ADK: variants seen among roughly 807,000 people sequenced by gnomAD.
ADK encodes adenosine kinase, also known as N6,N6-dimethyladenosine kinase.
ADK carries 24 observed loss-of-function variants against 44.7 expected under a neutral mutation model. The observed-to-expected ratio is 0.54, with a 90% CI of 0.39 to 0.76. The LOEUF is 0.76. ADK is among the 30% of genes least tolerant of loss of function. ADK has a pLI of 0.00. For missense variants in ADK, 321 were observed against 425.1 expected (o/e 0.76, Z 2.15); for synonymous variants, 128 against 142.6 (o/e 0.90, Z 0.73).
chr10:74,631,238 G>T (rs1463777604), intron 9 of ADK, among the ~76,000 whole-genome samples: 1 of 150,784 alleles, frequency 6.6e-6, no homozygotes, highest in Admixed American at 6.6e-5. Flanking sequence ...GTGTGCGTGT[G>T]TGTGTGTGTG....
intron 10 of ADK, among the ~76,000 whole-genome samples, chr10:74,701,062 T>A (rs996797635): frequency 1.3e-5 from 2 of 152,260 alleles, no homozygotes; most frequent in African/African-American, 2.4e-5. Flanking sequence ...TTTGGATTTT[T>A]TTCTTTTAAA....
At chr10:74,380,628 T>G (rs967001149) in intron 4 of ADK, among the ~76,000 whole-genome samples, 4 of 151,940 alleles carry the variant, frequency 2.6e-5, no homozygotes, top group Admixed American at 2.6e-4. Flanking sequence ...TGTGGTGGCA[T>G]GCACCTGTAG....
chr10:74,155,569 G>A (rs557004363), intron 1 of ADK, among the ~76,000 whole-genome samples: 18 of 152,016 alleles, frequency 1.2e-4, no homozygotes, highest in African/African-American at 3.9e-4. Context: ...TCGCTCTGTC[G>A]CCCAGGCTGG....
chr10:74,301,120 G>A (rs1840016987), intron 3 of ADK, among the ~76,000 whole-genome samples: 2 of 152,144 alleles, frequency 1.3e-5, no homozygotes, highest in African/African-American at 2.4e-5. Context: ...ATCAGTATTT[G>A]GGAGTATCTA....
chr10:74,219,476 C>T (rs1473234623), intron 2 of ADK, among the ~76,000 whole-genome samples: 1 of 152,146 alleles, frequency 6.6e-6, no homozygotes, highest in Non-Finnish European at 1.5e-5. Flanking sequence ...AGAAAGTCAA[C>T]AAGGATACCC....
At chr10:74,586,785 C>T (rs758251393) in intron 7 of ADK, among the ~76,000 whole-genome samples, 3 of 150,556 alleles carry the variant, frequency 2.0e-5, no homozygotes, top group Non-Finnish European at 3.0e-5. Context: ...ACCCAGGAGG[C>T]GGAGGTTGCA....
At chr10:74,352,822 A>G (rs956174577) in intron 4 of ADK, among the ~76,000 whole-genome samples, 6 of 152,244 alleles carry the variant, frequency 3.9e-5, no homozygotes, top group Admixed American at 2.6e-4. Context: ...ATTGCTCATC[A>G]TCATTGGTCA....
chr10:74,484,409 C>G (rs1379094683), intron 6 of ADK, among the ~76,000 whole-genome samples: 1 of 152,204 alleles, frequency 6.6e-6, no homozygotes, highest in Non-Finnish European at 1.5e-5. Flanking sequence ...CGGATGGGAA[C>G]ACAAATCTAA....
intron 6 of ADK, among the ~76,000 whole-genome samples, chr10:74,486,553 T>C (rs1054548681): frequency 2.0e-5 from 3 of 152,180 alleles, no homozygotes; most frequent in Non-Finnish European, 4.4e-5. Context: ...TTTAAAACTT[T>C]ATAATGAATA....
intron 4 of ADK, among the ~76,000 whole-genome samples, chr10:74,378,156 G>C (rs1021699638): frequency 3.3e-5 from 5 of 151,748 alleles, no homozygotes; most frequent in African/African-American, 1.2e-4. Context: ...ACATATTTGG[G>C]CTGGGAGCAG....
At chr10:74,459,063 G>C (rs1846062849) in intron 6 of ADK, among the ~76,000 whole-genome samples, 1 of 151,970 alleles carries the variant, frequency 6.6e-6, no homozygotes, top group Non-Finnish European at 1.5e-5. Context: ...TGGATCACCT[G>C]ATGTCAGGAG....
chr10:74,321,008 A>G (rs1840789071), intron 4 of ADK, among the ~76,000 whole-genome samples: 1 of 152,126 alleles, frequency 6.6e-6, no homozygotes, highest in Non-Finnish European at 1.5e-5. Context: ...GATTCATAGT[A>G]TTATGTGACT....
intron 3 of ADK, among the ~76,000 whole-genome samples, chr10:74,234,744 T>C (rs1844897338): frequency 6.6e-6 from 1 of 152,168 alleles, no homozygotes; most frequent in Non-Finnish European, 1.5e-5. Flanking sequence ...ATTATAACTT[T>C]ATTCTTTGTG....
intron 6 of ADK, among the ~76,000 whole-genome samples, chr10:74,497,019 C>G (rs1847713470): frequency 6.6e-6 from 1 of 151,948 alleles, no homozygotes; most frequent in Non-Finnish European, 1.5e-5. Context: ...TACAGTGTTG[C>G]CCAGGTTGGA....
At chr10:74,363,075 T>C (rs1057316819) in intron 4 of ADK, among the ~76,000 whole-genome samples, 2 of 152,300 alleles carry the variant, frequency 1.3e-5, no homozygotes, top group Non-Finnish European at 2.9e-5. Flanking sequence ...TTGGCTCAGA[T>C]TAGCATGCAT....
chr10:74,502,429 C>A (rs1226174204), intron 6 of ADK, among the ~76,000 whole-genome samples: 1 of 152,052 alleles, frequency 6.6e-6, no homozygotes, highest in East Asian at 1.9e-4. Flanking sequence ...TTATTCCCTG[C>A]AGCACTTTCA....
At chr10:74,639,704 C>T (rs184956828) in intron 9 of ADK, among the ~76,000 whole-genome samples, 267 of 152,178 alleles carry the variant, frequency 1.8e-3, no homozygotes, top group African/African-American at 6.0e-3. Context: ...GGCGTGGTGG[C>T]ATGTACCTGT....
At chr10:74,616,211 C>G (rs1852755392) in intron 9 of ADK, among the ~76,000 whole-genome samples, 1 of 152,064 alleles carries the variant, frequency 6.6e-6, no homozygotes, top group African/African-American at 2.4e-5. Flanking sequence ...AACAAAAGTT[C>G]TTGATTTTAA....
At position 74,527,773 on chromosome 10, in the gene ADK, G is replaced by C. The variant is rs2133641855; in HGVS notation, c.726+2347G>C. 1.9e-6 allele frequency: 3 copies of C among 1,570,466 alleles called. No individual in the cohort carries two copies. The South Asian group carries it at 3.3e-5, about 17-fold the overall frequency. On this transcript the variant is annotated intron_variant, in intron 7 of 10. Coordinates refer to ENST00000539909, the MANE Select transcript of ADK (RefSeq NM_006721.4). ...CTCCACTCCCAGACTTACCACATCT[G>C]AGAGAAACCTGACATGTGGGCATAC...
Sources: gnomAD v4.1 joint callset for allele counts (sites outside exome capture counted in the v4.1 genomes callset) on GRCh38, gnomAD v4.1.1 for gene constraint, MANE v1.5 for transcripts, NCBI Gene and HGNC (gene_info 2026-07-23, HGNC 2026-07-21) for gene names.